The following GTF2IRD1 variants were observed in gnomAD, a reference collection of about 807,000 sequenced individuals.
GTF2IRD1 encodes the protein GTF2I repeat domain containing 1, also known as general transcription factor II-I repeat domain-containing protein 1.
GTF2IRD1 carries 26 observed loss-of-function variants against 113.2 expected under a neutral mutation model. The observed-to-expected ratio is 0.23, with a 90% CI of 0.17 to 0.32. The LOEUF (loss-of-function observed/expected upper bound fraction) is 0.32, where lower values mean the gene tolerates loss of function less well. Ranked by LOEUF, GTF2IRD1 falls within the 10% of genes least tolerant of loss-of-function variation. The pLI, the probability that GTF2IRD1 is intolerant of heterozygous loss-of-function variation, is 1.00. For synonymous variants in GTF2IRD1, 484 were observed against 529.1 expected, an observed-to-expected ratio of 0.91 and a Z score of 1.17; for missense variants, 864 against 1,280.8, an observed-to-expected ratio of 0.67 and a Z score of 4.97.
At chr7:74,593,756 T>A (rs1243621438) in intron 24 of GTF2IRD1, among the ~76,000 whole-genome samples, 4 of 140,080 alleles carry the variant, frequency 2.9e-5, no homozygotes, top group Non-Finnish European at 6.2e-5. Context: ...AAAAAAAAAT[T>A]AGCTAAGTGT....
chr7:74,471,342 C>G (rs776259418), intron 1 of GTF2IRD1, among the ~76,000 whole-genome samples: 1 of 151,898 alleles, frequency 6.6e-6, no homozygotes, highest in African/African-American at 2.4e-5. Flanking sequence ...CTGAGACCAG[C>G]TTAGACAGCC....
At chr7:74,501,950 C>G (rs1472683958) in intron 1 of GTF2IRD1, among the ~76,000 whole-genome samples, 4 of 152,074 alleles carry the variant, frequency 2.6e-5, no homozygotes, top group African/African-American at 7.2e-5. Flanking sequence ...CCGCGCCTGG[C>G]CTTTGTTGTT....
Position 74,493,142 on chromosome 7 carries a change from C to A in GTF2IRD1, c.-6-14933C>A, listed in dbSNP as rs901798585. On this transcript the variant is annotated intron_variant, in intron 1 of 26. Transcript: ENST00000424337. The stretch of plus-strand genomic sequence containing the variant: ...TTTTTTTTTTGAGATAGGGGTCTCA[C>A]TGTCTTGCTCAGGCTGGAGGGCAGT... 3.4e-5 allele frequency among the ~76,000 whole-genome samples: 5 copies of A among 147,326 alleles called. No homozygotes were observed. In the East Asian group the frequency reaches 1.0e-3, roughly 30 times the overall value.
At chr7:74,503,613 G>A (rs2129916323) in intron 1 of GTF2IRD1, among the ~76,000 whole-genome samples, 1 of 152,312 alleles carries the variant, frequency 6.6e-6, no homozygotes, top group African/African-American at 2.4e-5. Flanking sequence ...GCCAGGCGTG[G>A]TGGTGGGCAC....
chr7:74,490,547 C>CT (rs1231724750), intron 1 of GTF2IRD1, among the ~76,000 whole-genome samples: 11 of 151,400 alleles, frequency 7.3e-5, no homozygotes, highest in Non-Finnish European at 1.3e-4. Flanking sequence ...AGGATACCCC[C>CT]CCCCCCGCCC....
At chr7:74,530,976 G>A (rs1272527111) in intron 9 of GTF2IRD1, among the ~76,000 whole-genome samples, 1 of 151,624 alleles carries the variant, frequency 6.6e-6, no homozygotes, top group Admixed American at 6.6e-5. Context: ...GGCTGAGATG[G>A]GAGGATCACT....
chr7:74,517,709 C>T (rs1027665196), intron 4 of GTF2IRD1, among the ~76,000 whole-genome samples: 27 of 152,200 alleles, frequency 1.8e-4, no homozygotes, highest in African/African-American at 6.0e-4. Context: ...CGTGAGCCAC[C>T]ACGCCCAGCC....
chr7:74,478,945 C>T (rs546961137), intron 1 of GTF2IRD1, among the ~76,000 whole-genome samples: 12 of 152,112 alleles, frequency 7.9e-5, no homozygotes, highest in African/African-American at 2.4e-4. Context: ...GATGGGGTCT[C>T]ACTATGTTGC....
intron 1 of GTF2IRD1, among the ~76,000 whole-genome samples, chr7:74,466,566 C>T (rs1793723730): frequency 6.6e-6 from 1 of 152,150 alleles, no homozygotes; most frequent in African/African-American, 2.4e-5. Context: ...TGCCTCTCCC[C>T]TAGAGCGTGC....
At chr7:74,562,412 G>A (rs587694137) in intron 22 of GTF2IRD1, among the ~76,000 whole-genome samples, 1 of 152,160 alleles carries the variant, frequency 6.6e-6, no homozygotes, top group African/African-American at 2.4e-5. Flanking sequence ...CCCTGTACCC[G>A]CCTGACTAGC....
chr7:74,481,161 A>G (rs1554334567), intron 1 of GTF2IRD1, among the ~76,000 whole-genome samples: 1 of 152,156 alleles, frequency 6.6e-6, no homozygotes, highest in Admixed American at 6.6e-5. Flanking sequence ...ATTTAAAAGG[A>G]AAATTTTTTT....
intron 4 of GTF2IRD1, 22 bp from the exon 5 acceptor site, chr7:74,518,117 T>A: frequency 6.8e-7 from 1 of 1,464,486 alleles, no homozygotes; most frequent in Non-Finnish European, 9.1e-7. Context: ...ACCAGGCCCC[T>A]CTCCTGGACT....
In GTF2IRD1 at chr7:74,508,156, C is replaced by G. The variant is rs782028586; in HGVS notation, c.76C>G (p.Arg26Gly). The stretch of plus-strand genomic sequence containing the variant: ...CGACCGCTGGAACTCCGCGTTCACC[C>G]GCAAAGACGAGATCATCACCAGCCT... Reference protein sequence around the residue: ...GPDRWNSAFTRKDEIITSLVS... With the variant: ...GPDRWNSAFTGKDEIITSLVS... The change falls in exon 2 of 27, where the codon CGC (arginine) becomes GGC (glycine). Residue 26 changes from arginine to glycine, a missense_variant. Arg to Gly is a moderately radical substitution (Grantham distance 125). This residue lies in a region of GTF2IRD1 where 182 missense variants were observed against 266.6 expected (regional missense o/e 0.68). Transcript: ENST00000424337. The G allele has an allele frequency of 6.2e-6, 10 of 1,612,580 alleles. No homozygotes were observed. Among genetic ancestry groups the G allele is most frequent in the Non-Finnish European group, 8.5e-6 (10 of 1,179,968 alleles).
chr7:74,509,481 C>T (rs570948819), intron 2 of GTF2IRD1, among the ~76,000 whole-genome samples: 23 of 150,634 alleles, frequency 1.5e-4, no homozygotes, highest in South Asian at 4.3e-4. Flanking sequence ...TGCAGCGAAC[C>T]GAGATCGTGC....
chr7:74,549,579 A>G (rs1314643411), intron 17 of GTF2IRD1, among the ~76,000 whole-genome samples: 2 of 152,192 alleles, frequency 1.3e-5, no homozygotes, highest in East Asian at 3.8e-4. Flanking sequence ...TTCGTGCAGT[A>G]GAAGCAAAGG....
intron 1 of GTF2IRD1, among the ~76,000 whole-genome samples, chr7:74,490,998 T>G (rs1554336550): frequency 6.6e-6 from 1 of 152,088 alleles, no homozygotes. Context: ...CCACACAGAC[T>G]TCGTGCCTTA....
At chr7:74,501,410 G>A (rs1356327028) in intron 1 of GTF2IRD1, among the ~76,000 whole-genome samples, 1 of 152,168 alleles carries the variant, frequency 6.6e-6, no homozygotes, top group Non-Finnish European at 1.5e-5. Context: ...AATTAAACTG[G>A]TCCCGGCATT....
intron 1 of GTF2IRD1, among the ~76,000 whole-genome samples, chr7:74,489,064 C>A (rs1429818495): frequency 2.6e-5 from 4 of 151,104 alleles, no homozygotes; most frequent in Non-Finnish European, 4.4e-5. Flanking sequence ...ATCATTTGAA[C>A]CCAGGAGGCA....
At chr7:74,599,659 T>G (rs1554373339) in intron 25 of GTF2IRD1, among the ~76,000 whole-genome samples, 1 of 152,126 alleles carries the variant, frequency 6.6e-6, no homozygotes, top group African/African-American at 2.4e-5. Context: ...CACCATACAT[T>G]AGTGATAACC....
Sources: gnomAD v4.1 joint callset for allele counts (sites outside exome capture counted in the v4.1 genomes callset) on GRCh38, gnomAD v4.1.1 for gene constraint, gnomAD v4.1.1 regional missense constraint, MANE v1.5 for transcripts, NCBI Gene and HGNC (gene_info 2026-07-23, HGNC 2026-07-21) for gene names.